The following UBR2 variants were observed in gnomAD, a reference collection of about 807,000 sequenced individuals.
The protein encoded by UBR2 is E3 ubiquitin-protein ligase UBR2.
A neutral mutation model predicts 247.9 loss-of-function variants in UBR2; 92 were observed. That is an observed-to-expected ratio of 0.37 (90% CI 0.31 to 0.44). The LOEUF (loss-of-function observed/expected upper bound fraction) is 0.44. Among genes scored for constraint, UBR2 ranks in the 20% least tolerant of loss-of-function variants. UBR2 has a pLI of 1.00. For synonymous variants in UBR2, 672 were observed against 693.5 expected (o/e 0.97, Z 0.49); for missense variants, 1,613 against 2,112.6 (o/e 0.76, Z 4.64).
intron 30 of UBR2, among the ~76,000 whole-genome samples, chr6:42,660,681 G>C (rs995328445): frequency 1.3e-5 from 2 of 152,016 alleles, no homozygotes; most frequent in Non-Finnish European, 2.9e-5. Flanking sequence ...GGTCATTTAG[G>C]CTGGGTATGG....
chr6:42,650,415 G>T, intron 23 of UBR2, 29 bp downstream of exon 23: 1 of 1,565,156 alleles, frequency 6.4e-7, no homozygotes, highest in Non-Finnish European at 8.8e-7. Context: ...AATGTAGCAG[G>T]GAAGGATTGC....
intron 4 of UBR2, among the ~76,000 whole-genome samples, chr6:42,596,427 A>G (rs1158895064): frequency 4.6e-5 from 7 of 152,070 alleles, no homozygotes; most frequent in Admixed American, 4.6e-4. Context: ...TGCTGTGGAA[A>G]ACAGTTTGGC....
At chr6:42,633,238 G>A (rs533247095) in intron 13 of UBR2, among the ~76,000 whole-genome samples, 18 of 151,910 alleles carry the variant, frequency 1.2e-4, no homozygotes, top group South Asian at 6.2e-4. Flanking sequence ...TTTTCATTTC[G>A]TGCACATTTC....
At chr6:42,584,174 T>A (rs1792100637) in intron 2 of UBR2, among the ~76,000 whole-genome samples, 1 of 151,888 alleles carries the variant, frequency 6.6e-6, no homozygotes, top group Admixed American at 6.6e-5. Context: ...TTTTGTATTT[T>A]TTGTAGAGAC....
At chr6:42,678,452 C>G in intron 40 of UBR2, 87 bp from the exon 41 acceptor site, 1 of 1,433,336 alleles carries the variant, frequency 7.0e-7, no homozygotes, top group Non-Finnish European at 9.3e-7. Context: ...CCATCAGTTC[C>G]AAATGACAGT....
At position 42,640,203 on chromosome 6, in the gene UBR2, A is replaced by T. The variant is rs1796341251; in HGVS notation, c.1859-6A>T. 6.2e-7 allele frequency: 1 copy of T among 1,600,954 alleles called. No individual in the cohort carries two copies. Among genetic ancestry groups the T allele is most frequent in the Non-Finnish European group, 8.5e-7 (1 of 1,175,982 alleles). On this transcript the variant is annotated splice_polypyrimidine_tract_variant and splice_region_variant and intron_variant, in intron 15 of 46. Transcript: ENST00000372901. The stretch of plus-strand genomic sequence containing the variant: ...AATACTGTTTTTTGTTTGTTCTTTC[A>T]TGCAGGTTTACATGTATTATTAAGC...
chr6:42,684,314 C>T lies in UBR2; in HGVS notation c.4776-480C>T, dbSNP rs188826256. Reference sequence around the variant, plus strand: ...CTGTCTAGCCGAGCACATTGGCTCACGCCTGTAATCCCAGCATTTTGGGAG... The same window carrying T: ...CTGTCTAGCCGAGCACATTGGCTCATGCCTGTAATCCCAGCATTTTGGGAG... On this transcript the variant is annotated intron_variant, in intron 43 of 46. Transcript: ENST00000372901. Among the ~76,000 whole-genome samples, 626 of 152,176 alleles carry T rather than the reference C, an allele frequency of 4.1e-3. 4 individuals carry two copies. The highest frequency in any genetic ancestry group is 0.015 in the African/African-American group (602 of 41,512).
intron 1 of UBR2, among the ~76,000 whole-genome samples, chr6:42,565,957 C>T (rs1017772151): frequency 4.6e-5 from 7 of 152,000 alleles, no homozygotes; most frequent in Non-Finnish European, 1.0e-4. Context: ...TTCTGCCTTT[C>T]GTTTATCGGA....
intron 10 of UBR2, 34 bp downstream of exon 10, chr6:42,616,124 A>T: frequency 2.7e-6 from 4 of 1,474,780 alleles, no homozygotes; most frequent in Non-Finnish European, 3.7e-6. Flanking sequence ...AATAGGTTAT[A>T]TATAGAGTAA....
At chr6:42,629,218 T>A (rs1372957398) in intron 11 of UBR2, among the ~76,000 whole-genome samples, 5 of 152,054 alleles carry the variant, frequency 3.3e-5, no homozygotes, top group African/African-American at 4.8e-5. Flanking sequence ...GGTTTCGCCA[T>A]GTTGGCCAGA....
At chr6:42,589,395 C>T (rs1792511161) in intron 2 of UBR2, among the ~76,000 whole-genome samples, 1 of 152,128 alleles carries the variant, frequency 6.6e-6, no homozygotes, top group African/African-American at 2.4e-5. Context: ...GTGTAGAATT[C>T]TTTTTATACG....
intron 44 of UBR2, among the ~76,000 whole-genome samples, chr6:42,685,452 A>G (rs764592358): frequency 1.3e-5 from 2 of 150,238 alleles, no homozygotes; most frequent in Non-Finnish European, 2.9e-5. Context: ...ACTTAAAGTA[A>G]TAACAGCCCT....
chr6:42,693,038 T>C lies in UBR2; in HGVS notation c.*1865T>C, dbSNP rs1254372083. ...AAGCTTCTTTTGGCTTTTTTTCATA[T>C]GTTCACCAAGCTAAAATTTAAAATA... On this transcript the variant is annotated 3_prime_UTR_variant, in exon 47 of 47. Transcript: ENST00000372901. The C allele has an allele frequency of 1.3e-5, 2 of 152,214 alleles. No homozygotes were observed. The highest frequency in any genetic ancestry group is 2.4e-5 in the African/African-American group (1 of 41,452). 9.4% of individuals were successfully genotyped at this position (152,214 alleles called of 1,614,324 possible).
At chr6:42,601,185 G>A (rs1014254980) in intron 4 of UBR2, among the ~76,000 whole-genome samples, 1 of 152,112 alleles carries the variant, frequency 6.6e-6, no homozygotes, top group Non-Finnish European at 1.5e-5. Context: ...TGACTGTTTG[G>A]TGAGATAATA....
chr6:42,631,891 A>ATATATATATAT (rs752152787), intron 11 of UBR2, among the ~76,000 whole-genome samples: 2,628 of 113,448 alleles, frequency 0.023, 199 homozygotes, highest in African/African-American at 0.036. Context: ...TATATATATA[A>ATATATATATAT]ATACAGGTTC....
At chr6:42,660,996 T>TTTTA (rs530745400) in intron 30 of UBR2, among the ~76,000 whole-genome samples, 12 of 139,358 alleles carry the variant, frequency 8.6e-5, no homozygotes, top group African/African-American at 1.6e-4. Context: ...TGTTTGTTTT[T>TTTTA]AAAAAAAAAA....
chr6:42,635,508 C>T lies in UBR2; in HGVS notation c.1636C>T (p.His546Tyr). Reference protein sequence around the residue: ...AAFTLQMKLTHVISMMQDWCA... With the variant: ...AAFTLQMKLTYVISMMQDWCA... ...CTTCACACTACAAATGAAATTAACA[C>T]ATGTCATTTCAATGATGCAGGACTG... Residue 546 changes from histidine (H) to tyrosine (Y), a missense_variant, in exon 14 of 47, where the codon CAT becomes TAT. Physicochemically the swap from His to Tyr is moderately conservative, Grantham distance 83. Transcript: ENST00000372901. 2 of 1,613,438 alleles carry T rather than the reference C, an allele frequency of 1.2e-6. No individual in the cohort carries two copies. The highest frequency in any genetic ancestry group is 1.7e-6 in the Non-Finnish European group (2 of 1,179,524).
chr6:42,570,567 T>C (rs907137311), intron 1 of UBR2, among the ~76,000 whole-genome samples: 7 of 152,188 alleles, frequency 4.6e-5, no homozygotes, highest in Non-Finnish European at 7.4e-5. Flanking sequence ...AGCATATGCA[T>C]GCCTTTCTTG....
chr6:42,632,958 CTTT>C (rs34284200), intron 13 of UBR2, 54 bp downstream of exon 13: 129 of 644,968 alleles, frequency 2.0e-4, no homozygotes, highest in East Asian at 6.8e-4. Flanking sequence ...TCTCTTTTCT[CTTT>C]TTTTTTTTTT....
Sources: gnomAD v4.1 joint callset for allele counts (sites outside exome capture counted in the v4.1 genomes callset) on GRCh38, gnomAD v4.1.1 for gene constraint, MANE v1.5 for transcripts, NCBI Gene and HGNC (gene_info 2026-07-23, HGNC 2026-07-21) for gene names.